The following RTL4 variants were observed in gnomAD, a reference collection of about 807,000 sequenced individuals.
RTL4 encodes the protein retrotransposon Gag-like protein 4.
A neutral mutation model predicts 5.3 loss-of-function variants in RTL4; 4 were observed. That is an observed-to-expected ratio of 0.75 (90% CI 0.37 to 1.72). The LOEUF (loss-of-function observed/expected upper bound fraction) is 1.72, where lower values mean the gene tolerates loss of function less well. RTL4 is among the 40% of genes most tolerant of loss of function. The probability of loss-of-function intolerance (pLI) is 0.04; values close to 1 mark genes in which losing one functional copy is unlikely to be tolerated. For synonymous variants in RTL4, 98 were observed against 87.3 expected (o/e 1.12, Z -0.68); for missense variants, 260 against 227.1 (o/e 1.14, Z -0.93).
chrX:112,264,228 A>C, the RTL4 span, among the ~76,000 whole-genome samples: 1 of 112,260 alleles, frequency 8.9e-6, no homozygotes, highest in Non-Finnish European at 1.9e-5. Context: ...TAACACTTGG[A>C]AATTAGGCTA....
At chrX:112,365,036 G>A in the RTL4 span, among the ~76,000 whole-genome samples, 1 of 111,289 alleles carries the variant, frequency 9.0e-6, no homozygotes. Flanking sequence ...GTAAGATGGT[G>A]GGTAGTCAAT....
At chrX:112,115,037 A>T in the RTL4 span, among the ~76,000 whole-genome samples, 18,127 of 110,340 alleles carry the variant, frequency 0.16, 2,315 homozygotes, top group African/African-American at 0.43. Flanking sequence ...TCCCAATGGC[A>T]TAGGATGCAT....
chrX:112,441,413 T>C, the RTL4 span, among the ~76,000 whole-genome samples: 34 of 111,770 alleles, frequency 3.0e-4, no homozygotes, highest in South Asian at 0.012. Flanking sequence ...TAAAATATTT[T>C]TCAAAAGACA....
At chrX:112,269,183 G>A in the RTL4 span, among the ~76,000 whole-genome samples, 1 of 112,125 alleles carries the variant, frequency 8.9e-6, no homozygotes, top group Admixed American at 9.5e-5. Flanking sequence ...TAAAATCTAG[G>A]AAAAGACTGG....
At chrX:112,165,345 T>C in the RTL4 span, among the ~76,000 whole-genome samples, 1 of 112,250 alleles carries the variant, frequency 8.9e-6, no homozygotes, top group South Asian at 3.7e-4. Context: ...AAGAAATACA[T>C]TGGTCTTAGT....
the RTL4 span, among the ~76,000 whole-genome samples, chrX:112,312,638 A>G: frequency 1.8e-5 from 2 of 111,624 alleles, no homozygotes; most frequent in African/African-American, 6.5e-5. Flanking sequence ...CAAATCCTAC[A>G]TACAGATTAA....
the RTL4 span, among the ~76,000 whole-genome samples, chrX:112,329,303 G>A: frequency 9.0e-6 from 1 of 110,980 alleles, no homozygotes; most frequent in Non-Finnish European, 1.9e-5. Flanking sequence ...TCAAATAGAT[G>A]CAATAAAAAA....
rs1380265988 is a variant in RTL4, at chrX:112,455,879, A to G, written c.*218A>G. 1.0e-5 allele frequency: 4 copies of G among 397,600 alleles called. No homozygotes were observed. In the East Asian group the frequency reaches 1.2e-4, roughly 12 times the overall value. 32.8% of individuals were successfully genotyped at this position (397,600 alleles called of 1,213,427 possible). A position where few individuals can be genotyped will look rare whatever the true frequency, so the allele number is the denominator to read the frequency against. ...AGAATGATGAAAACAATTCACAGGC[A>G]CTTTCTGCAGTTGGGATTAATTCTC... On this transcript the variant is annotated 3_prime_UTR_variant, in exon 1 of 1. Transcript: ENST00000340433.
the RTL4 span, among the ~76,000 whole-genome samples, chrX:112,174,839 T>G: frequency 1.0e-5 from 1 of 96,776 alleles, no homozygotes; most frequent in Non-Finnish European, 2.1e-5. Flanking sequence ...CCAGTGATGA[T>G]GAGCATTTTT....
the RTL4 span, among the ~76,000 whole-genome samples, chrX:112,152,172 C>G: frequency 9.0e-6 from 1 of 111,579 alleles, no homozygotes; most frequent in Non-Finnish European, 1.9e-5. Context: ...CCCCTAACAG[C>G]TTTGCAGGAT....
At chrX:112,198,139 G>A in the RTL4 span, among the ~76,000 whole-genome samples, 8 of 111,413 alleles carry the variant, frequency 7.2e-5, no homozygotes, top group Non-Finnish European at 1.1e-4. Flanking sequence ...TACTGTCCAC[G>A]GGGGGAAGCA....
chrX:112,397,206 T>A, the RTL4 span, among the ~76,000 whole-genome samples: 1 of 111,868 alleles, frequency 8.9e-6, no homozygotes, highest in Non-Finnish European at 1.9e-5. Context: ...GGATGCTCAA[T>A]TATCTTATAT....
the RTL4 span, among the ~76,000 whole-genome samples, chrX:112,217,286 C>G: frequency 9.0e-6 from 1 of 111,445 alleles, no homozygotes; most frequent in Non-Finnish European, 1.9e-5. Flanking sequence ...TGAGAATGCC[C>G]CAAATCAACT....
chrX:112,441,699 G>A, the RTL4 span, among the ~76,000 whole-genome samples: 3 of 111,913 alleles, frequency 2.7e-5, no homozygotes, highest in East Asian at 5.6e-4. Flanking sequence ...AATGATTGTG[G>A]TAATTATTTC....
chrX:112,416,344 C>T, the RTL4 span, among the ~76,000 whole-genome samples: 8 of 111,666 alleles, frequency 7.2e-5, no homozygotes, highest in African/African-American at 2.3e-4. Flanking sequence ...CTGGGGGACA[C>T]AATGTAACTC....
chrX:112,282,682 C>T, the RTL4 span, among the ~76,000 whole-genome samples: 8 of 111,651 alleles, frequency 7.2e-5, no homozygotes, highest in Non-Finnish European at 1.5e-4. Flanking sequence ...TAGTGTTTTA[C>T]AGTTTTCAGT....
At chrX:112,293,808 G>C in the RTL4 span, among the ~76,000 whole-genome samples, 1 of 111,687 alleles carries the variant, frequency 9.0e-6, no homozygotes, top group African/African-American at 3.3e-5. Flanking sequence ...CAAAATATTA[G>C]ACTCTGTGCT....
chrX:112,107,393 CT>C, the RTL4 span, among the ~76,000 whole-genome samples: 11 of 112,036 alleles, frequency 9.8e-5, no homozygotes, highest in African/African-American at 3.2e-4. Flanking sequence ...ATTATACATA[CT>C]TTTTTCAGCA....
the RTL4 span, among the ~76,000 whole-genome samples, chrX:112,326,523 T>A: frequency 4.2e-3 from 471 of 111,914 alleles, 1 homozygote; most frequent in African/African-American, 0.015. Context: ...GAGTCTTTGC[T>A]GATTGCTAGC....
Sources: gnomAD v4.1 joint callset for allele counts (sites outside exome capture counted in the v4.1 genomes callset) on GRCh38, gnomAD v4.1.1 for gene constraint, MANE v1.5 for transcripts, NCBI Gene and HGNC (gene_info 2026-07-23, HGNC 2026-07-21) for gene names.